Variants in RARB observed in about 807,000 individuals in gnomAD.
The protein encoded by RARB is HBV-activated protein.
In RARB, 17 loss-of-function variants were observed where a neutral mutation model predicts 51.9. The observed-to-expected ratio is 0.33, with a 90% CI of 0.22 to 0.49. The LOEUF is 0.49. RARB is among the 20% of genes least tolerant of loss of function. The pLI is 0.99. For missense variants in RARB, 369 were observed against 550.8 expected (o/e 0.67, Z 3.30); for synonymous variants, 215 against 195.4 (o/e 1.10, Z -0.84).
chr3:25,482,521 ATTTTTTTTTTTTTTTTTTTTTT>A (rs71087718), intron 2 of RARB, among the ~76,000 whole-genome samples: 1,516 of 65,864 alleles, frequency 0.023, 70 homozygotes, highest in African/African-American at 0.1. Flanking sequence ...TAGCAGCCAA[ATTTTTTTTTTTTTTTTTTTTTT>A]TTTTTTTTTT....
chr3:25,254,517 T>A (rs1702811969), intron 5 of RARB, among the ~76,000 whole-genome samples: 1 of 152,296 alleles, frequency 6.6e-6, no homozygotes, highest in Non-Finnish European at 1.5e-5. Flanking sequence ...TGAAACAATA[T>A]CATTATTGGG....
intron 3 of RARB, among the ~76,000 whole-genome samples, chr3:25,108,222 G>C (rs1210767209): frequency 6.6e-6 from 1 of 152,038 alleles, no homozygotes; most frequent in African/African-American, 2.4e-5. Flanking sequence ...TTAACATTTT[G>C]GACGATGGTT....
At chr3:24,875,798 C>A (rs1285368247) in intron 2 of RARB, among the ~76,000 whole-genome samples, 1 of 152,010 alleles carries the variant, frequency 6.6e-6, no homozygotes, top group East Asian at 1.9e-4. Context: ...CCAGTTTTTT[C>A]ACTAATTTCC....
intron 3 of RARB, among the ~76,000 whole-genome samples, chr3:25,115,149 C>G (rs1412024054): frequency 6.6e-6 from 1 of 152,142 alleles, no homozygotes; most frequent in Non-Finnish European, 1.5e-5. Context: ...CCACTGAGTG[C>G]TAGCTCCAGG....
At chr3:25,119,667 AAAC>A (rs1559473314) in intron 3 of RARB, among the ~76,000 whole-genome samples, 1 of 151,790 alleles carries the variant, frequency 6.6e-6, no homozygotes. Context: ...AACAAAAAAA[AAAC>A]AACAACAAAA....
intron 3 of RARB, among the ~76,000 whole-genome samples, chr3:25,091,141 C>A (rs1245984175): frequency 6.6e-6 from 1 of 152,138 alleles, no homozygotes; most frequent in Non-Finnish European, 1.5e-5. Flanking sequence ...CTTTATAGAA[C>A]AACAAGTCAG....
chr3:24,837,899 C>T (rs1380443637), intron 1 of RARB, among the ~76,000 whole-genome samples: 4 of 152,330 alleles, frequency 2.6e-5, no homozygotes, highest in South Asian at 2.1e-4. Flanking sequence ...ACACAAAATT[C>T]GTGGCTGAAA....
chr3:25,386,145 C>A (rs1473922405), intron 5 of RARB, among the ~76,000 whole-genome samples: 1 of 152,156 alleles, frequency 6.6e-6, no homozygotes, highest in Admixed American at 6.5e-5. Flanking sequence ...ACAAACAGAG[C>A]TGTGGAACCA....
In RARB at chr3:24,870,055, G is replaced by A. The variant is rs538672150; in HGVS notation, c.-380+11303G>A. Among the ~76,000 whole-genome samples the A allele has an allele frequency of 7.7e-4, 117 of 152,136 alleles. 1 individual carries two copies. Among genetic ancestry groups the A allele is most frequent in the African/African-American group, 2.7e-3 (114 of 41,526 alleles). On this transcript the variant is annotated intron_variant, in intron 2 of 11. Coordinates refer to the RARB transcript ENST00000383772. Reference sequence around the variant, plus strand: ...CGCTGCATTTTTCCATGAAACACCTGTGATATTTTTCTGTTGATTTCTAAA... The same window carrying A: ...CGCTGCATTTTTCCATGAAACACCTATGATATTTTTCTGTTGATTTCTAAA...
At chr3:24,853,230 T>C (rs1702585360) in intron 1 of RARB, among the ~76,000 whole-genome samples, 1 of 151,382 alleles carries the variant, frequency 6.6e-6, no homozygotes. Flanking sequence ...GGCAGGAGAA[T>C]GGTGTGAACC....
At chr3:25,292,696 G>A (rs1455468792) in intron 5 of RARB, among the ~76,000 whole-genome samples, 1 of 152,146 alleles carries the variant, frequency 6.6e-6, no homozygotes, top group African/African-American at 2.4e-5. Flanking sequence ...AGACTCCTCA[G>A]GAGCTCCTTT....
intron 4 of RARB, among the ~76,000 whole-genome samples, chr3:25,171,342 C>T (rs1054873336): frequency 6.6e-6 from 1 of 151,450 alleles, no homozygotes; most frequent in African/African-American, 2.4e-5. Context: ...TCTCTGCTTC[C>T]AGGAATAGCC....
intron 3 of RARB, among the ~76,000 whole-genome samples, chr3:25,513,610 C>CA (rs1205863900): frequency 6.7e-6 from 1 of 150,116 alleles, no homozygotes; most frequent in African/African-American, 2.5e-5. Context: ...TGGATGTAAA[C>CA]AGATTAAGCT....
chr3:25,030,441 T>G (rs1697846980), intron 2 of RARB, among the ~76,000 whole-genome samples: 2 of 152,238 alleles, frequency 1.3e-5, no homozygotes, highest in Non-Finnish European at 2.9e-5. Flanking sequence ...AGATTTGGTT[T>G]TGGTTTAAAA....
intron 3 of RARB, among the ~76,000 whole-genome samples, chr3:25,538,580 A>C (rs1699239919): frequency 6.6e-6 from 1 of 152,186 alleles, no homozygotes; most frequent in South Asian, 2.1e-4. Flanking sequence ...TGACGTGGAG[A>C]GTAGGCATTT....
At chr3:25,285,814 A>G (rs1195355075) in intron 5 of RARB, among the ~76,000 whole-genome samples, 1 of 152,196 alleles carries the variant, frequency 6.6e-6, no homozygotes, top group African/African-American at 2.4e-5. Flanking sequence ...TATGTACAAT[A>G]TGTTCCATTT....
chr3:25,344,600 C>T (rs1271780528), intron 5 of RARB, among the ~76,000 whole-genome samples: 4 of 152,134 alleles, frequency 2.6e-5, no homozygotes, highest in Non-Finnish European at 5.9e-5. Context: ...TTCCTTTTGA[C>T]TGAATTTGAA....
At chr3:24,853,858 T>C (rs765109694) in intron 1 of RARB, among the ~76,000 whole-genome samples, 1 of 152,188 alleles carries the variant, frequency 6.6e-6, no homozygotes, top group African/African-American at 2.4e-5. Context: ...GAGAGGTAAT[T>C]GGCAGCACCT....
At position 25,364,934 on chromosome 3, in the gene RARB, ACT is replaced by A. The variant is rs1165003199; in HGVS notation, c.179-96258_179-96257del. ...ATCTTAGTTTATTAACTTCCCTTACACTTCTGACATATCTCAGTTGTATCATT... is the reference window on the plus strand; with the variant it reads ...ATCTTAGTTTATTAACTTCCCTTACATCTGACATATCTCAGTTGTATCATT... On this transcript the variant is annotated intron_variant, in intron 5 of 11. Coordinates refer to the RARB transcript ENST00000383772. Among the ~76,000 whole-genome samples, 110 of 152,146 alleles carry A rather than the reference ACT, an allele frequency of 7.2e-4. 1 individual carries two copies. The highest frequency in any genetic ancestry group is 2.4e-3 in the African/African-American group (101 of 41,490).
Sources: gnomAD v4.1 joint callset for allele counts (sites outside exome capture counted in the v4.1 genomes callset) on GRCh38, gnomAD v4.1.1 for gene constraint, MANE v1.5 for transcripts, NCBI Gene and HGNC (gene_info 2026-07-23, HGNC 2026-07-21) for gene names.